Variants in RANBP17 observed in about 807,000 individuals in gnomAD.
RANBP17 encodes RAN binding protein 17.
A neutral mutation model predicts 141.2 loss-of-function variants in RANBP17; 158 were observed. That is an observed-to-expected ratio of 1.12 (90% CI 0.98 to 1.28). The LOEUF (loss-of-function observed/expected upper bound fraction) is 1.28, where lower values mean the gene tolerates loss of function less well. RANBP17 is among the 50% of genes most tolerant of loss of function. RANBP17 has a pLI of 0.00. For missense variants in RANBP17, 1,438 were observed against 1,290.7 expected (o/e 1.11, Z -1.75); for synonymous variants, 430 against 450.0 (o/e 0.96, Z 0.56).
intron 14 of RANBP17, among the ~76,000 whole-genome samples, chr5:171,032,715 C>T (rs1781629444): frequency 6.6e-6 from 1 of 152,056 alleles, no homozygotes; most frequent in Admixed American, 6.6e-5. Context: ...AACCCATTAG[C>T]ACAGAGAAAT....
chr5:170,883,919 T>TG (rs1768935230), intron 3 of RANBP17, among the ~76,000 whole-genome samples: 1 of 152,246 alleles, frequency 6.6e-6, no homozygotes, highest in Non-Finnish European at 1.5e-5. Flanking sequence ...AACATACATA[T>TG]GTGGGTTTTT....
At chr5:171,173,193 C>G (rs1268554414) in intron 16 of RANBP17, among the ~76,000 whole-genome samples, 1 of 151,920 alleles carries the variant, frequency 6.6e-6, no homozygotes, top group East Asian at 1.9e-4. Flanking sequence ...AGTGGTGTAT[C>G]TGTTTTAGTG....
At chr5:171,251,737 G>T in intron 24 of RANBP17, 1 of 749,040 alleles carries the variant, frequency 1.3e-6, no homozygotes, top group South Asian at 1.6e-5. Context: ...GCTGCGGTGC[G>T]AGCAGGTGGC....
At chr5:171,176,250 G>T (rs1760476060) in intron 16 of RANBP17, among the ~76,000 whole-genome samples, 1 of 152,000 alleles carries the variant, frequency 6.6e-6, no homozygotes, top group Non-Finnish European at 1.5e-5. Flanking sequence ...TTCTATCAAA[G>T]TCACTTGATG....
rs1229775168 is a variant in RANBP17 at position 170,911,313 on chromosome 5, G to A, written c.760+179G>A. The stretch of plus-strand genomic sequence containing the variant: ...AATGTTTTCTGTAATTCATATTATA[G>A]TAACTTCTATATTTTGATTTAGGAA... On this transcript the variant is annotated intron_variant, in intron 7 of 27. Transcript: ENST00000523189. The A allele has an allele frequency of 1.3e-5, 8 of 606,412 alleles. No homozygotes were observed. The East Asian group carries it at 2.2e-4, about 17-fold the overall frequency. 37.6% of individuals were successfully genotyped at this position (606,412 alleles called of 1,614,324 possible). A position where few individuals can be genotyped will look rare whatever the true frequency, so the allele number is the denominator to read the frequency against.
chr5:171,281,739 A>G (rs1250669003), intron 25 of RANBP17, among the ~76,000 whole-genome samples: 1 of 152,222 alleles, frequency 6.6e-6, no homozygotes. Flanking sequence ...TGCACCTAGC[A>G]CATAAAAAGA....
chr5:171,006,743 TAAAA>T (rs59337087), intron 14 of RANBP17, among the ~76,000 whole-genome samples: 3 of 142,946 alleles, frequency 2.1e-5, no homozygotes, highest in Admixed American at 1.4e-4. Context: ...CTTAAAGTAT[TAAAA>T]AAAAAAAAAA....
At chr5:171,247,935 T>C (rs969068401) in intron 24 of RANBP17, among the ~76,000 whole-genome samples, 1 of 151,814 alleles carries the variant, frequency 6.6e-6, no homozygotes, top group African/African-American at 2.4e-5. Context: ...AATGGGGTGG[T>C]GGAAAAAGAA....
At position 171,293,883 on chromosome 5, in the gene RANBP17, A is replaced by G. The variant is rs1210771225; in HGVS notation, c.2944A>G (p.Met982Val). 2 of 1,610,042 alleles carry G rather than the reference A, an allele frequency of 1.2e-6. No individual in the cohort carries two copies. The highest frequency in any genetic ancestry group is 2.2e-5 in the East Asian group (1 of 44,868). ...ATCTTTATGTGATTCTATCTTCTAG[A>G]TGATGTCTGTCCTCATGAACACCAT... ...MQQNPDVLQQMMSVLMNTIVF... is the reference protein window; with the variant it reads ...MQQNPDVLQQVMSVLMNTIVF... Residue 982 changes from methionine (M) to valine (V), a missense_variant and splice_region_variant, in exon 26 of 28, where the codon ATG becomes GTG. Physicochemically the swap from Met to Val is conservative, Grantham distance 21. Coordinates refer to ENST00000523189, the MANE Select transcript of RANBP17 (RefSeq NM_022897.5).
intron 12 of RANBP17, among the ~76,000 whole-genome samples, chr5:170,929,674 T>C (rs1773190294): frequency 1.3e-5 from 2 of 152,190 alleles, no homozygotes; most frequent in South Asian, 4.1e-4. Context: ...TGTAGTTTTC[T>C]TGTGGTGACT....
At chr5:171,070,400 T>A (rs1784564916) in intron 14 of RANBP17, among the ~76,000 whole-genome samples, 1 of 152,176 alleles carries the variant, frequency 6.6e-6, no homozygotes, top group South Asian at 2.1e-4. Flanking sequence ...GCTGTTTGTT[T>A]CTGTATATAA....
Position 171,008,507 on chromosome 5 carries a change from A to T in RANBP17, c.1710+40130A>T, listed in dbSNP as rs1779811587. 1.3e-5 allele frequency among the ~76,000 whole-genome samples: 2 copies of T among 151,634 alleles called. 1 individual carries two copies. Among genetic ancestry groups the T allele is most frequent in the South Asian group, 4.1e-4 (2 of 4,828 alleles). ...CCTGGGTGCAGGCAGGCTGAGTCTG[A>T]AAAGAGAGTCAGCAAAGCATGGTGG... On this transcript the variant is annotated intron_variant, in intron 14 of 27. Transcript: ENST00000523189.
At chr5:171,291,445 G>C (rs1768488147) in intron 25 of RANBP17, among the ~76,000 whole-genome samples, 1 of 152,192 alleles carries the variant, frequency 6.6e-6, no homozygotes, top group Non-Finnish European at 1.5e-5. Flanking sequence ...AGCAGAAGTT[G>C]AAGGATTGGA....
intron 14 of RANBP17, among the ~76,000 whole-genome samples, chr5:171,072,143 A>T (rs919607519): frequency 3.3e-5 from 5 of 152,170 alleles, no homozygotes; most frequent in African/African-American, 1.2e-4. Context: ...GAAGTCAGAG[A>T]TACGATGTGA....
At chr5:171,178,482 C>T (rs1199886873) in intron 16 of RANBP17, among the ~76,000 whole-genome samples, 2 of 152,008 alleles carry the variant, frequency 1.3e-5, no homozygotes, top group Admixed American at 1.3e-4. Flanking sequence ...AATAAACATA[C>T]GCGTGCATGT....
chr5:170,892,159 C>G (rs1334732375), intron 3 of RANBP17, among the ~76,000 whole-genome samples: 3 of 121,018 alleles, frequency 2.5e-5, no homozygotes, highest in Non-Finnish European at 5.0e-5. Context: ...ACATTAAGTT[C>G]TGGGATACAT....
chr5:171,170,045 A>G, intron 14 of RANBP17, 85 bp from the exon 15 acceptor site: 1 of 697,250 alleles, frequency 1.4e-6, no homozygotes, highest in Non-Finnish European at 2.3e-6. Flanking sequence ...ACAGTGCATT[A>G]AATCTTATGT....
Position 170,865,887 on chromosome 5 carries a change from A to G in RANBP17, c.18+3836A>G, listed in dbSNP as rs76710416. Among the ~76,000 whole-genome samples the G allele has an allele frequency of 3.3e-3, 496 of 152,328 alleles. 2 individuals are homozygous for G. Among genetic ancestry groups the G allele is most frequent in the African/African-American group, 0.011 (465 of 41,576 alleles). On this transcript the variant is annotated intron_variant, in intron 1 of 27. Transcript: ENST00000523189. ...TCAAAGGAAGGTGACACAGGGCAAC[A>G]TCTGTGCAGGTTTCAAAACTAAGCT...
chr5:171,051,682 G>A (rs370871791), intron 14 of RANBP17, among the ~76,000 whole-genome samples: 35 of 152,214 alleles, frequency 2.3e-4, no homozygotes, highest in African/African-American at 8.4e-4. Context: ...GCTCTTACAA[G>A]TAATGTTGCT....
Sources: allele counts gnomAD v4.1 joint callset (sites outside exome capture counted in the v4.1 genomes callset), GRCh38; gene constraint gnomAD v4.1.1; transcripts MANE v1.5; gene names NCBI Gene and HGNC (gene_info 2026-07-23, HGNC 2026-07-21).